The following KCNG1 variants were observed in gnomAD, a reference collection of about 807,000 sequenced individuals.
KCNG1 encodes the protein potassium voltage-gated channel modifier subfamily G member 1.
Under a neutral mutation model 32.4 loss-of-function variants are expected in KCNG1, and 17 were observed. The observed-to-expected ratio is 0.52, with a 90% CI of 0.36 to 0.79. The LOEUF (loss-of-function observed/expected upper bound fraction) is 0.79, where lower values mean the gene tolerates loss of function less well. Ranked by LOEUF, KCNG1 falls within the 30% of genes least tolerant of loss-of-function variation. The probability of loss-of-function intolerance (pLI) is 0.00; values close to 1 mark genes in which losing one functional copy is unlikely to be tolerated. For synonymous variants in KCNG1, 358 were observed against 339.9 expected (o/e 1.05, Z -0.59); for missense variants, 441 against 735.2 (o/e 0.60, Z 4.63).
In KCNG1 at chr20:51,003,926, G is replaced by T; in HGVS notation, c.*113C>A. The stretch of plus-strand genomic sequence containing the variant: ...GTCCTTCCCCGGGTGCGTGGGAGTC[G>T]GTGCTGCGCCAGGACTGCACTCGGA... On this transcript the variant is annotated 3_prime_UTR_variant, in exon 3 of 3. Coordinates refer to ENST00000371571, the MANE Select transcript of KCNG1 (RefSeq NM_002237.4). 8.3e-7 allele frequency: 1 copy of T among 1,209,892 alleles called. No homozygotes were observed. The highest frequency in any genetic ancestry group is 1.2e-6 in the Non-Finnish European group (1 of 868,612). 74.9% of individuals were successfully genotyped at this position (1,209,892 alleles called of 1,614,324 possible).
chr20:51,013,339 C>T (rs1312371757), intron 1 of KCNG1, among the ~76,000 whole-genome samples: 6 of 152,016 alleles, frequency 3.9e-5, no homozygotes, highest in East Asian at 1.9e-4. Context: ...AAATCACCAG[C>T]CCTCTCCCTA....
At chr20:51,018,403 C>T (rs1387750182) in intron 1 of KCNG1, among the ~76,000 whole-genome samples, 1 of 152,214 alleles carries the variant, frequency 6.6e-6, no homozygotes, top group Non-Finnish European at 1.5e-5. Flanking sequence ...CCCATGGCTA[C>T]ATTCCATCAG....
chr20:51,020,474 T>G (rs1282311865), intron 1 of KCNG1, among the ~76,000 whole-genome samples: 1 of 152,200 alleles, frequency 6.6e-6, no homozygotes, highest in Non-Finnish European at 1.5e-5. Flanking sequence ...TGTAGCAAAG[T>G]CACTTCATTT....
intron 1 of KCNG1, among the ~76,000 whole-genome samples, chr20:51,016,638 G>A (rs1481484042): frequency 6.6e-6 from 1 of 152,186 alleles, no homozygotes; most frequent in African/African-American, 2.4e-5. Flanking sequence ...TTCTTTATCT[G>A]TATAATGAGG....
At chr20:51,009,353 T>C (rs1187897900) in intron 2 of KCNG1, among the ~76,000 whole-genome samples, 1 of 152,154 alleles carries the variant, frequency 6.6e-6, no homozygotes, top group East Asian at 1.9e-4. Flanking sequence ...GTGGGCACAG[T>C]GGAGGCCAGG....
intron 1 of KCNG1, among the ~76,000 whole-genome samples, chr20:51,017,444 A>G (rs1389227695): frequency 5.9e-5 from 9 of 151,952 alleles, no homozygotes; most frequent in Non-Finnish European, 1.2e-4. Context: ...AAGGGGAAGA[A>G]GCGCGGGGAT....
At chr20:51,022,026 G>C (rs1568807919) in intron 1 of KCNG1, among the ~76,000 whole-genome samples, 2 of 152,154 alleles carry the variant, frequency 1.3e-5, no homozygotes, top group African/African-American at 2.4e-5. Context: ...GGCAGTCTGC[G>C]GCCTCCCAAG....
chr20:51,014,278 T>C (rs1205578720), intron 1 of KCNG1, among the ~76,000 whole-genome samples: 3 of 152,248 alleles, frequency 2.0e-5, no homozygotes, highest in Non-Finnish European at 4.4e-5. Context: ...TGATGTGAGA[T>C]GGACGGCTCA....
chr20:51,009,958 G>A lies in KCNG1; in HGVS notation c.381C>T (p.Ile127=), dbSNP rs1568799718. 2.5e-6 allele frequency: 4 copies of A among 1,613,938 alleles called. No individual in the cohort carries two copies. The highest frequency in any genetic ancestry group is 3.4e-6 in the Non-Finnish European group (4 of 1,179,966). The change falls in exon 2 of 3, where the codon ATC becomes ATT. Residue 127 remains isoleucine (I), a synonymous_variant. Coordinates refer to ENST00000371571, the MANE Select transcript of KCNG1 (RefSeq NM_002237.4). Reference sequence around the variant, plus strand: ...GCTTGCCCGCGCGCAGGAAGGTCAGGATAGTGCCGAAGGCCCCCGGGTTGC... The same window carrying A: ...GCTTGCCCGCGCGCAGGAAGGTCAGAATAGTGCCGAAGGCCCCCGGGTTGC... ...FDRNPGAFGT[I]LTFLRAGKLR...
intron 1 of KCNG1, among the ~76,000 whole-genome samples, chr20:51,016,626 G>T (rs754604174): frequency 8.5e-5 from 13 of 152,140 alleles, no homozygotes; most frequent in African/African-American, 1.9e-4. Context: ...CTGAGACTCA[G>T]TTTCTTTATC....
intron 1 of KCNG1, among the ~76,000 whole-genome samples, chr20:51,020,620 C>T (rs1988444841): frequency 6.6e-6 from 1 of 152,042 alleles, no homozygotes; most frequent in Non-Finnish European, 1.5e-5. Flanking sequence ...CATTTTTCAC[C>T]CACAGGCTCC....
Position 51,009,853 on chromosome 20 carries a change from G to T in KCNG1, c.486C>A (p.Asp162Glu). The change falls in exon 2 of 3, where the codon GAC (aspartate) becomes GAA (glutamate). Residue 162 changes from aspartate to glutamate, a missense_variant. Transcript: ENST00000371571. ...GCAGGTAGCGGCGCTTGCAGCAGCC[G>T]TCCAGGTGGTCCTCCGCGATGCCCC... ...LYWGIAEDHL[D>E]GCCKRRYLQK... 6.2e-7 allele frequency: 1 copy of T among 1,613,386 alleles called. No homozygotes were observed. The highest frequency in any genetic ancestry group is 8.5e-7 in the Non-Finnish European group (1 of 1,179,948).
chr20:51,019,707 G>T (rs1348922426), intron 1 of KCNG1, among the ~76,000 whole-genome samples: 1 of 151,656 alleles, frequency 6.6e-6, no homozygotes, highest in Non-Finnish European at 1.5e-5. Flanking sequence ...CTCACTCCCA[G>T]TGGGTGTCTC....
intron 1 of KCNG1, chr20:51,014,051 T>C (rs1287551457): frequency 1.3e-5 from 2 of 152,168 alleles, no homozygotes; most frequent in Non-Finnish European, 2.9e-5. Context: ...TTTATTTCCT[T>C]CACGCCCTGC....
At chr20:51,010,944 G>C (rs1182314202) in intron 1 of KCNG1, among the ~76,000 whole-genome samples, 1 of 151,806 alleles carries the variant, frequency 6.6e-6, no homozygotes, top group Non-Finnish European at 1.5e-5. Flanking sequence ...AAAAGAAGAA[G>C]AGGAAGAGAC....
intron 1 of KCNG1, among the ~76,000 whole-genome samples, chr20:51,016,710 G>A (rs1468023819): frequency 6.6e-6 from 1 of 152,232 alleles, no homozygotes; most frequent in East Asian, 1.9e-4. Context: ...CACAGGTGAT[G>A]CACTTGGCTC....
chr20:51,008,101 C>T (rs1031235158), intron 2 of KCNG1: 7 of 152,212 alleles, frequency 4.6e-5, no homozygotes, highest in Non-Finnish European at 7.3e-5. Context: ...TCTCCACTGC[C>T]TATACAATTT....
intron 1 of KCNG1, among the ~76,000 whole-genome samples, chr20:51,017,391 G>A (rs1437648095): frequency 6.6e-6 from 1 of 152,212 alleles, no homozygotes; most frequent in Non-Finnish European, 1.5e-5. Flanking sequence ...GCACATGTGA[G>A]GATCTATATT....
chr20:51,008,123 A>T (rs1195382535), intron 2 of KCNG1: 1 of 152,134 alleles, frequency 6.6e-6, no homozygotes, highest in Non-Finnish European at 1.5e-5. Flanking sequence ...TACCTCTGAA[A>T]ACTTTTGGTC....
Sources: gnomAD v4.1 joint callset for allele counts (sites outside exome capture counted in the v4.1 genomes callset) on GRCh38, gnomAD v4.1.1 for gene constraint, MANE v1.5 for transcripts, NCBI Gene and HGNC (gene_info 2026-07-23, HGNC 2026-07-21) for gene names.